STK32A: variants seen among roughly 807,000 people sequenced by gnomAD.
STK32A encodes serine/threonine-protein kinase 32A.
In STK32A, 41 loss-of-function variants were observed where a neutral mutation model predicts 53.2. The observed-to-expected ratio is 0.77, with a 90% CI of 0.60 to 1.00. The LOEUF (loss-of-function observed/expected upper bound fraction) is 1.00, where lower values mean the gene tolerates loss of function less well. Ranked by LOEUF, STK32A falls within the 50% of genes least tolerant of loss-of-function variation. The probability of loss-of-function intolerance (pLI) is 0.00; values close to 1 mark genes in which losing one functional copy is unlikely to be tolerated. For synonymous variants in STK32A, 166 were observed against 162.8 expected, an observed-to-expected ratio of 1.02 and a Z score of -0.15; for missense variants, 458 against 485.8, an observed-to-expected ratio of 0.94 and a Z score of 0.54.
At chr5:147,321,216 G>A (rs1467503424) in intron 4 of STK32A, among the ~76,000 whole-genome samples, 1 of 152,230 alleles carries the variant, frequency 6.6e-6, no homozygotes, top group Non-Finnish European at 1.5e-5. Context: ...GAAAGTTGCA[G>A]AAATGCAAGA....
intron 4 of STK32A, among the ~76,000 whole-genome samples, chr5:147,302,139 A>G (rs10476885): frequency 0.041 from 6,308 of 152,114 alleles, 406 homozygotes; most frequent in East Asian, 0.2. Context: ...TATTCTGCTT[A>G]TTACAAACAC....
chr5:147,289,600 A>G (rs1324401416), intron 4 of STK32A, among the ~76,000 whole-genome samples: 1 of 151,814 alleles, frequency 6.6e-6, no homozygotes, highest in South Asian at 2.1e-4. Context: ...ACACACAAAC[A>G]TATGTTTTTC....
chr5:147,300,660 A>G (rs1753087160), intron 4 of STK32A, among the ~76,000 whole-genome samples: 1 of 152,202 alleles, frequency 6.6e-6, no homozygotes, highest in Non-Finnish European at 1.5e-5. Flanking sequence ...ACTCACAAAC[A>G]TACCCTCATA....
chr5:147,379,410 C>T (rs889634824), intron 11 of STK32A, among the ~76,000 whole-genome samples: 2 of 151,854 alleles, frequency 1.3e-5, no homozygotes, highest in African/African-American at 4.8e-5. Flanking sequence ...TTTCGGGTGT[C>T]TCAGTTTCCT....
chr5:147,377,904 A>ATTCTTCTAAT (rs1757293389), intron 11 of STK32A, among the ~76,000 whole-genome samples: 6 of 152,148 alleles, frequency 3.9e-5, no homozygotes, highest in Admixed American at 2.6e-4. Flanking sequence ...TTTTCTCTAG[A>ATTCTTCTAAT]TTCTTCTAAT....
intron 6 of STK32A, 66 bp from the exon 7 acceptor site, chr5:147,350,999 A>C (rs1334156278): frequency 4.9e-6 from 7 of 1,422,798 alleles, no homozygotes; most frequent in Non-Finnish European, 6.9e-6. Context: ...TTTTCAGTTA[A>C]AAGCATGATT....
chr5:147,401,291 A>G, the STK32A span, among the ~76,000 whole-genome samples: 1 of 152,222 alleles, frequency 6.6e-6, no homozygotes, highest in African/African-American at 2.4e-5. Flanking sequence ...TAGTCTTACC[A>G]TAGAGCTTGG....
intron 8 of STK32A, among the ~76,000 whole-genome samples, chr5:147,363,115 C>CAAAA (rs34681980): frequency 0.48 from 72,337 of 150,528 alleles, 18,427 homozygotes; most frequent in East Asian, 0.63. Context: ...AACAAACAAA[C>CAAAA]AAAAAACAAG....
intron 9 of STK32A, among the ~76,000 whole-genome samples, chr5:147,372,506 A>G (rs1018951463): frequency 2.0e-5 from 3 of 151,904 alleles, no homozygotes; most frequent in African/African-American, 7.3e-5. Flanking sequence ...TCACTCCACA[A>G]ATTACACCCT....
chr5:147,323,969 A>T lies in STK32A; in HGVS notation c.332A>T (p.His111Leu), dbSNP rs748209043. ...CTGCTGGGTGGAGACCTGCGTTATC[A>T]CCTGCAACAGAACGTCCACTTCAAG... ...DLLLGGDLRY[H>L]LQQNVHFKEE... The change falls in exon 5 of 13, where the codon CAC becomes CTC. Residue 111 changes from histidine to leucine, a missense_variant. Physicochemically the swap from His to Leu is moderately conservative, Grantham distance 99. Transcript: ENST00000397936. The T allele has an allele frequency of 1.2e-6, 2 of 1,613,394 alleles. No homozygotes were observed. Among genetic ancestry groups the T allele is most frequent in the Non-Finnish European group, 8.5e-7 (1 of 1,179,728 alleles).
intron 2 of STK32A, among the ~76,000 whole-genome samples, chr5:147,275,282 A>T (rs1755204077): frequency 6.6e-6 from 1 of 151,596 alleles, no homozygotes. Context: ...TCTTTTGTTG[A>T]ACATTTAAAA....
At chr5:147,325,689 TC>T (rs1335555204) in intron 5 of STK32A, among the ~76,000 whole-genome samples, 5 of 152,174 alleles carry the variant, frequency 3.3e-5, no homozygotes, top group Non-Finnish European at 5.9e-5. Flanking sequence ...ACGTAGGATC[TC>T]AGAAGTGAAT....
chr5:147,264,639 A>T (rs1754727489), intron 2 of STK32A, among the ~76,000 whole-genome samples: 1 of 152,226 alleles, frequency 6.6e-6, no homozygotes, highest in Non-Finnish European at 1.5e-5. Context: ...TGTATTAGAA[A>T]GATGGAGGCA....
At chr5:147,292,472 A>G (rs1752642423) in intron 4 of STK32A, among the ~76,000 whole-genome samples, 1 of 152,246 alleles carries the variant, frequency 6.6e-6, no homozygotes, top group Non-Finnish European at 1.5e-5. Flanking sequence ...AGTATACTTT[A>G]CTTAATTGTT....
At chr5:147,355,201 T>C (rs949662094) in intron 7 of STK32A, among the ~76,000 whole-genome samples, 2 of 152,216 alleles carry the variant, frequency 1.3e-5, no homozygotes, top group African/African-American at 4.8e-5. Flanking sequence ...ATCAGTTCCA[T>C]AGCTCTGTAA....
At chr5:147,293,755 A>C (rs1303149913) in intron 4 of STK32A, among the ~76,000 whole-genome samples, 2 of 151,668 alleles carry the variant, frequency 1.3e-5, no homozygotes, top group African/African-American at 4.8e-5. Context: ...GGAATCTCAG[A>C]TTTTACCTTA....
chr5:147,349,854 G>A (rs1307666093), intron 6 of STK32A, among the ~76,000 whole-genome samples: 1 of 152,080 alleles, frequency 6.6e-6, no homozygotes, highest in Non-Finnish European at 1.5e-5. Context: ...GCTCACGCCT[G>A]TAATCCCAAC....
At chr5:147,237,234 A>G (rs530552293) in intron 1 of STK32A, among the ~76,000 whole-genome samples, 1 of 151,958 alleles carries the variant, frequency 6.6e-6, no homozygotes, top group South Asian at 2.1e-4. Context: ...AATGGCGTGA[A>G]CCCAGGAGGC....
chr5:147,322,938 G>A (rs574208513), intron 4 of STK32A, among the ~76,000 whole-genome samples: 93 of 152,212 alleles, frequency 6.1e-4, no homozygotes, highest in Non-Finnish European at 5.6e-4. Flanking sequence ...GGATTCTGCC[G>A]CCTTCTCCAG....
Sources: allele counts gnomAD v4.1 joint callset (sites outside exome capture counted in the v4.1 genomes callset), GRCh38; gene constraint gnomAD v4.1.1; transcripts MANE v1.5; gene names NCBI Gene and HGNC (gene_info 2026-07-23, HGNC 2026-07-21).